ATMIN: variants seen among roughly 807,000 people sequenced by gnomAD.
ATMIN encodes ATM INteracting protein.
A neutral mutation model predicts 49.2 loss-of-function variants in ATMIN; 24 were observed. The observed-to-expected ratio is 0.49, with a 90% confidence interval of 0.35 to 0.69. The LOEUF is 0.69. Ranked by LOEUF, ATMIN falls within the 30% of genes least tolerant of loss-of-function variation. The pLI, the probability that ATMIN is intolerant of heterozygous loss-of-function variation, is 0.00. For synonymous variants in ATMIN, 450 were observed against 392.5 expected (o/e 1.15, Z -1.73); for missense variants, 1,037 against 1,005.5 (o/e 1.03, Z -0.42).
chr16:81,039,039 G>A (rs1195133159), intron 1 of ATMIN, among the ~76,000 whole-genome samples: 3 of 152,086 alleles, frequency 2.0e-5, no homozygotes, highest in African/African-American at 4.8e-5. Flanking sequence ...CAAGTGATCC[G>A]CCCGCTTCAG....
chr16:81,036,748 A>G (rs973225080), intron 1 of ATMIN, among the ~76,000 whole-genome samples: 3 of 152,200 alleles, frequency 2.0e-5, no homozygotes, highest in African/African-American at 7.2e-5. Context: ...ACCAAGAGAC[A>G]ATACGTTTGA....
rs1297992704 is a variant in ATMIN, at chr16:81,035,894, G to A, written c.24G>A (p.Ala8=). Residue 8 remains alanine (A), a synonymous_variant, in exon 1 of 4, where the codon GCG becomes GCA. Transcript: ENST00000299575. The part of the protein sequence containing the change: MAASEAA[A]AAGSAALAAG... ...CCATGGCGGCCTCGGAGGCGGCGGC[G>A]GCGGCGGGGTCCGCGGCTCTGGCGG... 3.2e-5 allele frequency: 31 copies of A among 979,382 alleles called. No individual in the cohort carries two copies. The highest frequency in any genetic ancestry group is 3.6e-5 in the Non-Finnish European group (30 of 826,228). The allele number at this position is 979,382 out of a possible 1,614,324, so 60.7% of individuals were successfully genotyped here. A position where few individuals can be genotyped will look rare whatever the true frequency, so the allele number is the denominator to read the frequency against.
In ATMIN at chr16:81,046,613, A is replaced by G. The variant is rs1271647021; in HGVS notation, c.*1643A>G. On this transcript the variant is annotated 3_prime_UTR_variant, in exon 4 of 4. Transcript: ENST00000299575. Reference sequence around the variant, plus strand: ...GATCCTGGATTCTTAATTGTTGGCTAAGTTCCAGTCAAGTAGGAATCAGTG... The same window carrying G: ...GATCCTGGATTCTTAATTGTTGGCTGAGTTCCAGTCAAGTAGGAATCAGTG... 1 of 151,722 alleles carries G rather than the reference A, an allele frequency of 6.6e-6. No homozygotes were observed. The highest frequency in any genetic ancestry group is 2.4e-5 in the African/African-American group (1 of 41,288). The allele number at this position is 151,722 out of a possible 1,614,324, so 9.4% of individuals were successfully genotyped here.
rs1971133238 is a variant in ATMIN, at chr16:81,047,037, G to T, written c.*2067G>T. The T allele has an allele frequency of 2.6e-5, 4 of 152,560 alleles. No homozygotes were observed. Among genetic ancestry groups the T allele is most frequent in the Admixed American group, 2.6e-4 (4 of 15,260 alleles). The allele number at this position is 152,560 out of a possible 1,614,324, so 9.5% of individuals were successfully genotyped here. On this transcript the variant is annotated 3_prime_UTR_variant, in exon 4 of 4. Transcript: ENST00000299575. ...AATAAAGGAGAAATGCATGTTTATGGCTTTTTTGTAAATATAAATGCAGTG... is the reference window on the plus strand; with the variant it reads ...AATAAAGGAGAAATGCATGTTTATGTCTTTTTTGTAAATATAAATGCAGTG...
In ATMIN at chr16:81,045,931, T is replaced by C. The variant is rs1354810610; in HGVS notation, c.*961T>C. 1 of 149,248 alleles carries C rather than the reference T, an allele frequency of 6.7e-6. No homozygotes were observed. The highest frequency in any genetic ancestry group is 6.7e-5 in the Admixed American group (1 of 14,898). 9.2% of individuals were successfully genotyped at this position (149,248 alleles called of 1,614,324 possible). ...AGATTGGGGCTGCCATGAGCCATGGTCTTGGCACTGTACTCCAACCTGGGT... is the reference window on the plus strand; with the variant it reads ...AGATTGGGGCTGCCATGAGCCATGGCCTTGGCACTGTACTCCAACCTGGGT... On this transcript the variant is annotated 3_prime_UTR_variant, in exon 4 of 4. Coordinates refer to ENST00000299575, the MANE Select transcript of ATMIN (RefSeq NM_015251.3).
At chr16:81,042,592 G>T (rs1260911525) in intron 3 of ATMIN, 112 bp downstream of exon 3, 2 of 1,138,870 alleles carry the variant, frequency 1.8e-6, no homozygotes, top group Admixed American at 2.5e-5. Context: ...TAGAAAATGT[G>T]TGACGTGGAA....
Position 81,041,432 on chromosome 16 carries a change from G to C in ATMIN, c.413G>C (p.Cys138Ser). 1 of 1,613,778 alleles carries C rather than the reference G, an allele frequency of 6.2e-7. No homozygotes were observed. The change falls in exon 2 of 4, where the codon TGC becomes TCC. Residue 138 changes from cysteine to serine, a missense_variant. Transcript: ENST00000299575. Reference protein sequence around the residue: ...PKFYCCPIEGCPRGPERPFSQ... With the variant: ...PKFYCCPIEGSPRGPERPFSQ... ...TTCTACTGCTGTCCAATTGAAGGCT[G>C]CCCCAGAGGCCCTGAGAGACCGTTT...
At chr16:81,036,676 T>C (rs1320758543) in intron 1 of ATMIN, among the ~76,000 whole-genome samples, 1 of 152,146 alleles carries the variant, frequency 6.6e-6, no homozygotes, top group Non-Finnish European at 1.5e-5. Context: ...CGCCCTTGGG[T>C]CCTGCCCAGT....
chr16:81,037,107 C>A, intron 1 of ATMIN: 33 of 886,126 alleles, frequency 3.7e-5, no homozygotes, highest in Non-Finnish European at 4.3e-5. Context: ...TATTAAAAAT[C>A]CAGATGTCCA....
intron 1 of ATMIN, 42 bp from the exon 2 acceptor site, chr16:81,041,314 G>GT (rs532142263): frequency 1.1e-5 from 17 of 1,577,802 alleles, no homozygotes; most frequent in South Asian, 2.3e-5. Flanking sequence ...CTGTTGTGTT[G>GT]TTTTTTTGAA....
At chr16:81,040,021 C>T (rs776879675) in intron 1 of ATMIN, among the ~76,000 whole-genome samples, 5 of 152,152 alleles carry the variant, frequency 3.3e-5, no homozygotes, top group African/African-American at 7.2e-5. Flanking sequence ...TTCTTACAAT[C>T]GTTTCTTTTC....
rs1205876706 is a variant in ATMIN, at chr16:81,035,903, G to C, written c.33G>C (p.Gly11=). 15 of 983,700 alleles carry C rather than the reference G, an allele frequency of 1.5e-5. No individual in the cohort carries two copies. The highest frequency in any genetic ancestry group is 1.4e-5 in the Non-Finnish European group (12 of 829,898). 60.9% of individuals were successfully genotyped at this position (983,700 alleles called of 1,614,324 possible). A position where few individuals can be genotyped will look rare whatever the true frequency, so the allele number is the denominator to read the frequency against. Residue 11 remains glycine (G), a synonymous_variant, in exon 1 of 4, where the codon GGG becomes GGC. Transcript: ENST00000299575. MAASEAAAAA[G]SAALAAGARA... ...CCTCGGAGGCGGCGGCGGCGGCGGG[G>C]TCCGCGGCTCTGGCGGCGGGTGCCC...
intron 1 of ATMIN, among the ~76,000 whole-genome samples, chr16:81,036,818 G>A (rs1182665184): frequency 6.6e-6 from 1 of 152,112 alleles, no homozygotes; most frequent in Non-Finnish European, 1.5e-5. Context: ...GTCCATCCAT[G>A]CTGCACACCG....
In ATMIN at chr16:81,042,438, C is replaced by G. The variant is rs1257243020; in HGVS notation, c.620C>G (p.Ser207Cys). ...CPYASRTALQ[S>C]HIYRTGHEIP... The stretch of plus-strand genomic sequence containing the variant: ...TACGCCAGTAGAACAGCACTGCAGT[C>G]TCACATCTACCGAACTGGGCACGAG... Residue 207 changes from serine (S) to cysteine (C), a missense_variant, in exon 3 of 4, where the codon TCT (serine) becomes TGT (cysteine). Physicochemically the swap from Ser to Cys is moderately radical, Grantham distance 112. Transcript: ENST00000299575. The G allele has an allele frequency of 3.1e-6, 5 of 1,614,012 alleles. No homozygotes were observed. The highest frequency in any genetic ancestry group is 4.2e-6 in the Non-Finnish European group (5 of 1,180,040).
rs189950151 is a variant in ATMIN at position 81,037,181 on chromosome 16, C to A, written c.336+975C>A. The A allele has an allele frequency of 4.1e-6, 4 of 985,490 alleles. No individual in the cohort carries two copies. In the South Asian group the frequency reaches 1.4e-4, roughly 35 times the overall value. The allele number at this position is 985,490 out of a possible 1,614,324, so 61.0% of individuals were successfully genotyped here. ...ATTACAATGGCAAGTTTCCTTCCAC[C>A]ACTCTAGGCCAGCAGTGACATAATT... is the stretch of plus-strand genomic sequence containing the variant. On this transcript the variant is annotated intron_variant, in intron 1 of 3. Coordinates refer to ENST00000299575, the MANE Select transcript of ATMIN (RefSeq NM_015251.3).
Position 81,041,365 on chromosome 16 carries a change from G to A in ATMIN, c.346G>A (p.Val116Ile), listed in dbSNP as rs1971034655. 1 of 1,611,036 alleles carries A rather than the reference G, an allele frequency of 6.2e-7. No individual in the cohort carries two copies. Among genetic ancestry groups the A allele is most frequent in the Non-Finnish European group, 8.5e-7 (1 of 1,179,350 alleles). ...AATTTTCCTTTTGCAGGATGGCATA[G>A]TCAATCCAACAATAAGAAAAGATTT... ...VKSHRLQDGI[V>I]NPTIRKDLKT... Residue 116 changes from valine (V) to isoleucine (I), a missense_variant, in exon 2 of 4, where the codon GTC becomes ATC. Val to Ile is a conservative substitution (Grantham distance 29). Coordinates refer to ENST00000299575, the MANE Select transcript of ATMIN (RefSeq NM_015251.3).
In ATMIN at chr16:81,036,210, AGCCCGACGCGGCCGGCG is replaced by A. The variant is rs1436076832; in HGVS notation, c.336+10_336+26del. 3.5e-6 allele frequency: 5 copies of A among 1,417,212 alleles called. No individual in the cohort carries two copies. In the South Asian group the frequency reaches 5.4e-5, roughly 15 times the overall value. 87.8% of individuals were successfully genotyped at this position (1,417,212 alleles called of 1,614,324 possible). ...AGTCAAGAGCCACCGCCTGCAGGTG[AGCCCGACGCGGCCGGCG>A]GCCCGGGGGGCCGGGCCTGGCTCCA... On this transcript the variant is annotated splice_donor_5th_base_variant and intron_variant, in intron 1 of 3. Transcript: ENST00000299575.
chr16:81,036,239 C>G, intron 1 of ATMIN, 33 bp downstream of exon 1: 4 of 1,337,948 alleles, frequency 3.0e-6, no homozygotes, highest in Non-Finnish European at 3.9e-6. Flanking sequence ...CCCGGGGGGC[C>G]GGGCCTGGCT....
intron 1 of ATMIN, among the ~76,000 whole-genome samples, chr16:81,036,532 A>G (rs1041371743): frequency 6.6e-6 from 1 of 152,170 alleles, no homozygotes. Flanking sequence ...GTGAGTTCTT[A>G]ACGGCGTTTT....
Sources: gnomAD v4.1 joint callset for allele counts (sites outside exome capture counted in the v4.1 genomes callset) on GRCh38, gnomAD v4.1.1 for gene constraint, MANE v1.5 for transcripts, NCBI Gene and HGNC (gene_info 2026-07-23, HGNC 2026-07-21) for gene names.